Variants in SUPT3H observed in about 807,000 individuals in gnomAD.
The protein encoded by SUPT3H is SPT3 homolog, SAGA and STAGA complex component.
Under a neutral mutation model 44.3 loss-of-function variants are expected in SUPT3H, and 44 were observed. That is an observed-to-expected ratio of 0.99 (90% confidence interval 0.78 to 1.28). The LOEUF is 1.28. Ranked by LOEUF, SUPT3H falls within the 50% of genes most tolerant of loss-of-function variation. The pLI, the probability that SUPT3H is intolerant of heterozygous loss-of-function variation, is 0.00. For synonymous variants in SUPT3H, 124 were observed against 125.6 expected (o/e 0.99, Z 0.09); for missense variants, 380 against 387.1 (o/e 0.98, Z 0.15).
At chr6:45,315,347 CCA>C (rs989413890) in intron 2 of SUPT3H, among the ~76,000 whole-genome samples, 24 of 152,196 alleles carry the variant, frequency 1.6e-4, no homozygotes, top group African/African-American at 5.5e-4. Flanking sequence ...AACTGACAAC[CCA>C]CAGAGTTGGA....
intron 9 of SUPT3H, among the ~76,000 whole-genome samples, chr6:44,947,550 C>T (rs1347136319): frequency 2.6e-5 from 4 of 151,902 alleles, no homozygotes; most frequent in African/African-American, 4.8e-5. Context: ...CCAGGCTTTT[C>T]TTTTTTTTCT....
chr6:45,289,736 C>T (rs565201853), intron 2 of SUPT3H, among the ~76,000 whole-genome samples: 9 of 152,150 alleles, frequency 5.9e-5, no homozygotes, highest in Non-Finnish European at 8.8e-5. Context: ...ACCTCTGTTA[C>T]GTCATATGCT....
In SUPT3H at chr6:44,829,715, A is replaced by G; in HGVS notation, c.*101T>C. 1 of 1,364,476 alleles carries G rather than the reference A, an allele frequency of 7.3e-7. No homozygotes were observed. The highest frequency in any genetic ancestry group is 1.0e-6 in the Non-Finnish European group (1 of 972,666). The allele number at this position is 1,364,476 out of a possible 1,614,324, so 84.5% of individuals were successfully genotyped here. On this transcript the variant is annotated 3_prime_UTR_variant, in exon 11 of 11. Transcript: ENST00000371459. ...TCACAACAGACCAGCCCACTCCCTC[A>G]GATAAAAGAAAGGTAAATTTGTATT...
intron 3 of SUPT3H, among the ~76,000 whole-genome samples, chr6:45,058,787 A>G (rs1242026300): frequency 6.6e-6 from 1 of 152,108 alleles, no homozygotes; most frequent in Non-Finnish European, 1.5e-5. Flanking sequence ...TAGTCTATGA[A>G]GTTGCTCATA....
At chr6:45,356,755 C>A (rs1055205607) in intron 2 of SUPT3H, among the ~76,000 whole-genome samples, 23 of 152,082 alleles carry the variant, frequency 1.5e-4, no homozygotes, top group African/African-American at 4.8e-4. Flanking sequence ...AGTCTCACAT[C>A]TAGAGATAAT....
At chr6:45,273,641 A>G (rs1439083573) in intron 2 of SUPT3H, among the ~76,000 whole-genome samples, 1 of 152,206 alleles carries the variant, frequency 6.6e-6, no homozygotes, top group Non-Finnish European at 1.5e-5. Context: ...TATATCAGTA[A>G]TTAATTCCTT....
At chr6:44,903,934 T>C (rs1158148294) in intron 10 of SUPT3H, among the ~76,000 whole-genome samples, 1 of 152,228 alleles carries the variant, frequency 6.6e-6, no homozygotes, top group South Asian at 2.1e-4. Flanking sequence ...CAAAAAACCA[T>C]GATTATCTCA....
rs78593133 is a variant in SUPT3H, at chr6:45,231,299, T to C, written c.102-125293A>G. On this transcript the variant is annotated intron_variant, in intron 2 of 10. Coordinates refer to ENST00000371459, the MANE Select transcript of SUPT3H (RefSeq NM_003599.4). ...ATAGGTGTAGTAGTGATGAATTCTC[T>C]CAGCATTTGCTTGTCTGGAAAAGAC... 1.9e-3 allele frequency among the ~76,000 whole-genome samples: 287 copies of C among 152,334 alleles called. 8 individuals carry two copies. The East Asian group carries it at 0.054, about 28-fold the overall frequency.
intron 2 of SUPT3H, among the ~76,000 whole-genome samples, chr6:45,245,781 A>G (rs1771230694): frequency 6.6e-6 from 1 of 152,112 alleles, no homozygotes; most frequent in Non-Finnish European, 1.5e-5. Context: ...TCTGCTTTCA[A>G]TTCTTTTGGG....
chr6:45,028,889 C>T, intron 3 of SUPT3H, among the ~76,000 whole-genome samples: 1 of 23,290 alleles, frequency 4.3e-5, no homozygotes, highest in African/African-American at 2.2e-4. Context: ...GGTGAATAAA[C>T]AGTTGCCAAA....
At chr6:44,837,545 T>C (rs1387307609) in intron 10 of SUPT3H, among the ~76,000 whole-genome samples, 1 of 152,152 alleles carries the variant, frequency 6.6e-6, no homozygotes, top group Non-Finnish European at 1.5e-5. Flanking sequence ...GAAAACTAAA[T>C]TAGTGACCTT....
intron 2 of SUPT3H, among the ~76,000 whole-genome samples, chr6:45,330,032 A>G (rs2150073674): frequency 6.6e-6 from 1 of 151,990 alleles, no homozygotes; most frequent in African/African-American, 2.4e-5. Context: ...GATCAGTCTC[A>G]GTTTAGGTCA....
chr6:45,212,125 C>CA (rs1275070067), intron 2 of SUPT3H, among the ~76,000 whole-genome samples: 2 of 151,990 alleles, frequency 1.3e-5, no homozygotes, highest in African/African-American at 4.8e-5. Context: ...AAGATTGCAC[C>CA]ACTGCACTCC....
At position 45,165,147 on chromosome 6, in the gene SUPT3H, G is replaced by C. The variant is rs566845304; in HGVS notation, c.102-59141C>G. ...CTGCTAGGGGAAGAGCAAGAGCACA[G>C]AGAGAAATTCCCTGTCTGTGGTGCA... On this transcript the variant is annotated intron_variant, in intron 2 of 10. Coordinates refer to ENST00000371459, the MANE Select transcript of SUPT3H (RefSeq NM_003599.4). Among the ~76,000 whole-genome samples, 82 of 152,296 alleles carry C rather than the reference G, an allele frequency of 5.4e-4. 1 individual carries two copies. In the South Asian group the frequency reaches 0.016, roughly 30 times the overall value.
intron 2 of SUPT3H, among the ~76,000 whole-genome samples, chr6:45,173,966 C>T (rs572630524): frequency 2.0e-5 from 3 of 152,256 alleles, no homozygotes; most frequent in Admixed American, 6.5e-5. Context: ...CCCCTGCTGC[C>T]CAAAGAGTTA....
At chr6:45,309,145 G>A (rs1783576398) in intron 2 of SUPT3H, among the ~76,000 whole-genome samples, 2 of 144,174 alleles carry the variant, frequency 1.4e-5, no homozygotes, top group Non-Finnish European at 1.5e-5. Context: ...TTTAAAAATA[G>A]ATGTCTAAAT....
chr6:44,932,437 T>C (rs893931125), intron 10 of SUPT3H, among the ~76,000 whole-genome samples: 2 of 152,108 alleles, frequency 1.3e-5, no homozygotes, highest in Non-Finnish European at 2.9e-5. Context: ...AATTTGTAAT[T>C]GAAAGAAAAT....
chr6:44,905,994 G>A (rs1294611519), intron 10 of SUPT3H, among the ~76,000 whole-genome samples: 1 of 152,008 alleles, frequency 6.6e-6, no homozygotes, highest in Non-Finnish European at 1.5e-5. Context: ...ATAGACACAG[G>A]AAGGGGAACA....
At chr6:45,356,157 G>T (rs542558335) in intron 2 of SUPT3H, among the ~76,000 whole-genome samples, 4 of 152,104 alleles carry the variant, frequency 2.6e-5, no homozygotes, top group African/African-American at 9.6e-5. Flanking sequence ...ATGCCAATTA[G>T]AAAACTTTCT....
Sources: allele counts gnomAD v4.1 joint callset (sites outside exome capture counted in the v4.1 genomes callset), GRCh38; gene constraint gnomAD v4.1.1; transcripts MANE v1.5; gene names NCBI Gene and HGNC (gene_info 2026-07-23, HGNC 2026-07-21).